The following RBM47 variants were observed in gnomAD, a reference collection of about 807,000 sequenced individuals.
RBM47 encodes RNA-binding protein 47.
A neutral mutation model predicts 47.1 loss-of-function variants in RBM47; 21 were observed. The ratio of observed to expected loss-of-function variants is 0.45; its 90% CI spans 0.32 to 0.64. The LOEUF (loss-of-function observed/expected upper bound fraction) is 0.64. RBM47 is among the 30% of genes least tolerant of loss of function. The probability of loss-of-function intolerance (pLI) is 0.05; values close to 1 mark genes in which losing one functional copy is unlikely to be tolerated. For synonymous variants in RBM47, 375 were observed against 361.7 expected, an observed-to-expected ratio of 1.04 and a Z score of -0.42; for missense variants, 708 against 870.9, an observed-to-expected ratio of 0.81 and a Z score of 2.35.
intron 6 of RBM47, among the ~76,000 whole-genome samples, chr4:40,428,956 C>T (rs536073086): frequency 1.1e-4 from 16 of 152,212 alleles, no homozygotes; most frequent in Admixed American, 7.2e-4. Flanking sequence ...CAGTTACCCG[C>T]GGTCAACTGA....
At chr4:40,451,177 T>C (rs1330525291) in intron 3 of RBM47, among the ~76,000 whole-genome samples, 3 of 117,706 alleles carry the variant, frequency 2.5e-5, no homozygotes, top group Non-Finnish European at 4.8e-5. Context: ...CAAGGCGCAG[T>C]AGCTACCAAA....
At chr4:40,499,082 A>C (rs28647210) in intron 2 of RBM47, among the ~76,000 whole-genome samples, 5,438 of 152,292 alleles carry the variant, frequency 0.036, 320 homozygotes, top group African/African-American at 0.12. Flanking sequence ...ACTTAGCTGA[A>C]TGGAAAGGGG....
chr4:40,570,053 G>C (rs1255314522), intron 1 of RBM47, among the ~76,000 whole-genome samples: 1 of 151,856 alleles, frequency 6.6e-6, no homozygotes, highest in Non-Finnish European at 1.5e-5. Context: ...ATGAGTGAGA[G>C]AGTCTGTCAC....
chr4:40,429,249 G>A (rs867484844), intron 6 of RBM47, among the ~76,000 whole-genome samples: 2 of 152,022 alleles, frequency 1.3e-5, no homozygotes, highest in African/African-American at 2.4e-5. Context: ...ATATGCCAAC[G>A]AGGAGCACTA....
chr4:40,626,713 C>T (rs547817783), intron 1 of RBM47, among the ~76,000 whole-genome samples: 4 of 152,304 alleles, frequency 2.6e-5, no homozygotes, highest in Admixed American at 6.5e-5. Flanking sequence ...TCTCCCCATA[C>T]AGACGCTCAC....
At chr4:40,583,122 G>C (rs1177325652) in intron 1 of RBM47, among the ~76,000 whole-genome samples, 1 of 152,004 alleles carries the variant, frequency 6.6e-6, no homozygotes, top group Non-Finnish European at 1.5e-5. Context: ...AAGAGCAAAG[G>C]GAGACAAAAG....
chr4:40,597,273 G>A (rs1396310053), intron 1 of RBM47, among the ~76,000 whole-genome samples: 6 of 144,368 alleles, frequency 4.2e-5, no homozygotes, highest in African/African-American at 1.5e-4. Flanking sequence ...AAAAAAAATA[G>A]TTTTAGTTTA....
At chr4:40,565,941 G>A (rs1424226912) in intron 1 of RBM47, among the ~76,000 whole-genome samples, 8 of 152,106 alleles carry the variant, frequency 5.3e-5, no homozygotes, top group Admixed American at 3.3e-4. Context: ...GGTGGCACAC[G>A]CCTGAAGTCT....
At chr4:40,474,379 T>A (rs548554807) in intron 2 of RBM47, among the ~76,000 whole-genome samples, 1 of 151,990 alleles carries the variant, frequency 6.6e-6, no homozygotes, top group Admixed American at 6.6e-5. Flanking sequence ...CACAGAGTCA[T>A]CCAGAGTAAA....
At chr4:40,533,300 G>T (rs928610907) in intron 2 of RBM47, among the ~76,000 whole-genome samples, 3 of 151,986 alleles carry the variant, frequency 2.0e-5, no homozygotes, top group African/African-American at 7.2e-5. Context: ...TGGGTGTGGT[G>T]GTGCATGCCT....
At chr4:40,469,006 C>G (rs1377173613) in intron 2 of RBM47, among the ~76,000 whole-genome samples, 2 of 152,206 alleles carry the variant, frequency 1.3e-5, no homozygotes, top group Non-Finnish European at 2.9e-5. Flanking sequence ...TAAATCCAGA[C>G]AAGTATATTC....
intron 1 of RBM47, among the ~76,000 whole-genome samples, chr4:40,611,268 G>GTATTT (rs969872034): frequency 6.6e-6 from 1 of 152,144 alleles, no homozygotes; most frequent in Non-Finnish European, 1.5e-5. Context: ...GCACAAAAGA[G>GTATTT]TATTTTATTT....
chr4:40,484,598 G>A (rs554190586), intron 2 of RBM47, among the ~76,000 whole-genome samples: 3 of 152,304 alleles, frequency 2.0e-5, no homozygotes, highest in Middle Eastern at 3.4e-3. Flanking sequence ...TTTTGATCAT[G>A]AGCTGCAAAT....
chr4:40,439,029 G>A (rs1560364075), intron 3 of RBM47, 105 bp from the exon 4 acceptor site: 1 of 1,004,826 alleles, frequency 1.0e-6, no homozygotes. Context: ...ACGGGGAAGG[G>A]GAGGTGGTTT....
chr4:40,561,138 G>A (rs1340141389), intron 1 of RBM47, among the ~76,000 whole-genome samples: 2 of 151,868 alleles, frequency 1.3e-5, no homozygotes, highest in African/African-American at 2.4e-5. Flanking sequence ...AAAGAAGACT[G>A]AGGTCCAGAG....
intron 2 of RBM47, among the ~76,000 whole-genome samples, chr4:40,527,742 TTG>T (rs140846090): frequency 2.5e-4 from 34 of 134,438 alleles, no homozygotes; most frequent in African/African-American, 4.0e-4. Context: ...CTAGTTTTCA[TTG>T]TGTGTGTGTG....
rs1374513119 is a variant in RBM47, at chr4:40,438,821, C to T, written c.73G>A (p.Gly25Ser). ...GCCTCGTTGGGCGCGCCCGCCACGCCCTCGGGCACCTTGGCGGAGGACCCG... is the reference window on the plus strand; with the variant it reads ...GCCTCGTTGGGCGCGCCCGCCACGCTCTCGGGCACCTTGGCGGAGGACCCG... ...AAGSSAKVPEGVAGAPNEAAL... is the reference protein window; with the variant it reads ...AAGSSAKVPESVAGAPNEAAL... Residue 25 changes from glycine (G) to serine (S), a missense_variant, in exon 4 of 7, where the codon GGC becomes AGC. Coordinates refer to ENST00000295971, the MANE Select transcript of RBM47 (RefSeq NM_001098634.2). The T allele has an allele frequency of 6.4e-7, 1 of 1,556,490 alleles. No homozygotes were observed.
chr4:40,442,963 C>T (rs182613001), intron 3 of RBM47, among the ~76,000 whole-genome samples: 160 of 152,246 alleles, frequency 1.1e-3, no homozygotes, highest in African/African-American at 2.6e-3. Context: ...TGTGAGCCAC[C>T]GTGCCCGGCT....
rs35543412 is a variant in RBM47 at position 40,618,808 on chromosome 4, CAAAAAAAAAA to C, written c.-240+10578_-240+10587del. Among the ~76,000 whole-genome samples the C allele has an allele frequency of 1.4e-4, 4 of 27,608 alleles. No homozygotes were observed. The Admixed American group carries it at 1.6e-3, about 11-fold the overall frequency. The allele number at this position is 27,608 out of a possible 152,430, so 18.1% of individuals were successfully genotyped here. A position where few individuals can be genotyped will look rare whatever the true frequency, so the allele number is the denominator to read the frequency against. ...TAGGCAACAGAGCGAGACTCCATCT[CAAAAAAAAAA>C]AAAAAAAAAAAAAAAAGGGAAACTT... On this transcript the variant is annotated intron_variant, in intron 1 of 6. Coordinates refer to ENST00000295971, the MANE Select transcript of RBM47 (RefSeq NM_001098634.2).
Sources: allele counts gnomAD v4.1 joint callset (sites outside exome capture counted in the v4.1 genomes callset), GRCh38; gene constraint gnomAD v4.1.1; transcripts MANE v1.5; gene names NCBI Gene and HGNC (gene_info 2026-07-23, HGNC 2026-07-21).